TACC3: variants seen among roughly 807,000 people sequenced by gnomAD.
TACC3 encodes the protein transforming acidic coiled-coil containing protein 3.
In TACC3, 52 loss-of-function variants were observed where a neutral mutation model predicts 86.0. The observed-to-expected ratio is 0.60, with a 90% CI of 0.48 to 0.76. The LOEUF (loss-of-function observed/expected upper bound fraction) is 0.76. Ranked by LOEUF, TACC3 falls within the 30% of genes least tolerant of loss-of-function variation. The probability of loss-of-function intolerance (pLI) is 0.00; values close to 1 mark genes in which losing one functional copy is unlikely to be tolerated. For synonymous variants in TACC3, 512 were observed against 430.0 expected (o/e 1.19, Z -2.36); for missense variants, 1,120 against 1,070.4 (o/e 1.05, Z -0.65).
intron 6 of TACC3, among the ~76,000 whole-genome samples, chr4:1,734,351 C>A (rs1360535232): frequency 5.3e-5 from 8 of 152,040 alleles, no homozygotes. Flanking sequence ...CCGTGCCCAA[C>A]TAATTTTTGC....
chr4:1,732,309 G>T (rs1199928901), intron 6 of TACC3, among the ~76,000 whole-genome samples: 1 of 141,238 alleles, frequency 7.1e-6, no homozygotes, highest in South Asian at 2.2e-4. Context: ...CGGTTTGTCC[G>T]TAAGATTGGA....
At position 1,740,882 on chromosome 4, in the gene TACC3, G is replaced by A; in HGVS notation, c.2119G>A (p.Glu707Lys). 1 of 1,612,978 alleles carries A rather than the reference G, an allele frequency of 6.2e-7. No individual in the cohort carries two copies. The highest frequency in any genetic ancestry group is 2.2e-5 in the East Asian group (1 of 44,878). Residue 707 changes from glutamate (E) to lysine (K), a missense_variant, in exon 13 of 16, where the codon GAA (glutamate) becomes AAA (lysine). Physicochemically the swap from Glu to Lys is moderately conservative, Grantham distance 56 (BLOSUM62 1). Coordinates refer to ENST00000313288, the MANE Select transcript of TACC3 (RefSeq NM_006342.3). ...SKAEIQKVLK[E>K]KDQLTTDLNS... ...AGCTGAAATCCAGAAAGTTCTAAAA[G>A]AAAAAGACCAACTTACCACAGATCT...
In TACC3 at chr4:1,740,458, C is replaced by A. The variant is rs1427944444; in HGVS notation, c.2063-368C>A. The stretch of plus-strand genomic sequence containing the variant: ...TCTTAGGCTGAGTGTCAGCCGGCGG[C>A]AGGTGACCGCCTGGCCCTTGCAGTC... On this transcript the variant is annotated intron_variant, in intron 12 of 15. Transcript: ENST00000313288. 9.9e-6 allele frequency: 3 copies of A among 303,588 alleles called. No homozygotes were observed. In the Admixed American group the frequency reaches 1.4e-4, roughly 14 times the overall value. The allele number at this position is 303,588 out of a possible 1,614,324, so 18.8% of individuals were successfully genotyped here.
Position 1,730,979 on chromosome 4 carries a change from T to TG in TACC3, c.1461+20dup. The TG allele has an allele frequency of 6.2e-7, 1 of 1,613,198 alleles. No homozygotes were observed. Among genetic ancestry groups the TG allele is most frequent in the Non-Finnish European group, 8.5e-7 (1 of 1,179,878 alleles). Reference sequence around the variant, plus strand: ...GAGAGCAAGGTAAGGGGTGCTTGTGTGGGTACCTGTGCTCCTGGCCTGGTC... The same window carrying TG: ...GAGAGCAAGGTAAGGGGTGCTTGTGTGGGGTACCTGTGCTCCTGGCCTGGTC... On this transcript the variant is annotated intron_variant, in intron 5 of 15. Coordinates refer to ENST00000313288, the MANE Select transcript of TACC3 (RefSeq NM_006342.3).
In TACC3 at chr4:1,735,081, C is replaced by T. The variant is rs931472463; in HGVS notation, c.1592-192C>T. ...GAGTGGGTAGAGGCTGGGGATGCCG[C>T]TCAGCACCCTGCGGTGCCCAGGAGG... On this transcript the variant is annotated intron_variant, in intron 6 of 15. Transcript: ENST00000313288. The surrounding 1 kb of genome is among the most constrained non-coding windows in gnomAD (Gnocchi z 4.2). Among the ~76,000 whole-genome samples the T allele has an allele frequency of 6.6e-6, 1 of 152,210 alleles. No homozygotes were observed. Among genetic ancestry groups the T allele is most frequent in the African/African-American group, 2.4e-5 (1 of 41,466 alleles).
intron 12 of TACC3, 119 bp from the exon 13 acceptor site, chr4:1,740,707 A>T: frequency 1.2e-6 from 1 of 849,992 alleles, no homozygotes; most frequent in Non-Finnish European, 1.9e-6. Flanking sequence ...CGAGGCTCAC[A>T]CCCACTGCCC....
At position 1,728,059 on chromosome 4, in the gene TACC3, A is replaced by T; in HGVS notation, c.657A>T (p.Gly219=). Residue 219 remains glycine, a synonymous_variant, in exon 4 of 16, where the codon GGA becomes GGT. Coordinates refer to ENST00000313288, the MANE Select transcript of TACC3 (RefSeq NM_006342.3). ...ESQHKAETPH[G]AEEECKAETP... Reference sequence around the variant, plus strand: ...AGCACAAAGCGGAGACTCCGCACGGAGCCGAGGAAGAATGCAAAGCGGAGA... The same window carrying T: ...AGCACAAAGCGGAGACTCCGCACGGTGCCGAGGAAGAATGCAAAGCGGAGA... 6.5e-7 allele frequency: 1 copy of T among 1,542,448 alleles called. No individual in the cohort carries two copies. Among genetic ancestry groups the T allele is most frequent in the Non-Finnish European group, 8.8e-7 (1 of 1,141,576 alleles).
intron 1 of TACC3, 37 bp from the exon 2 acceptor site, chr4:1,723,384 G>A: frequency 6.3e-7 from 1 of 1,598,144 alleles, no homozygotes; most frequent in Non-Finnish European, 8.5e-7. Flanking sequence ...TGGTAGTGTT[G>A]CCCTCACACT....
chr4:1,734,775 G>T (rs1281118265), intron 6 of TACC3, among the ~76,000 whole-genome samples: 1 of 151,536 alleles, frequency 6.6e-6, no homozygotes, highest in Non-Finnish European at 1.5e-5. Flanking sequence ...GGCTCAAGGA[G>T]TTCTCCTGCC....
intron 13 of TACC3, among the ~76,000 whole-genome samples, chr4:1,744,038 C>T (rs1718720916): frequency 1.3e-5 from 2 of 152,134 alleles, no homozygotes; most frequent in Admixed American, 6.5e-5. Flanking sequence ...AGGAACCCCT[C>T]AGTTAGGGCT....
chr4:1,724,161 G>A (rs547711299), intron 3 of TACC3, among the ~76,000 whole-genome samples: 76 of 150,610 alleles, frequency 5.0e-4, no homozygotes, highest in African/African-American at 1.8e-3. Flanking sequence ...AGTAAAGAAG[G>A]GGTTTCACCG....
intron 1 of TACC3, among the ~76,000 whole-genome samples, chr4:1,722,820 T>C (rs1177051437): frequency 6.6e-6 from 1 of 152,136 alleles, no homozygotes; most frequent in Non-Finnish European, 1.5e-5. Context: ...ATGTGGAAGT[T>C]CCTTGGCACC....
chr4:1,738,144 A>G (rs1182110062), intron 10 of TACC3: 2 of 339,732 alleles, frequency 5.9e-6, no homozygotes, highest in Admixed American at 4.1e-5. Context: ...CTCACTGTAC[A>G]TGCCAGGCTT....
At chr4:1,723,357 T>C in intron 1 of TACC3, 64 bp from the exon 2 acceptor site, 1 of 1,551,990 alleles carries the variant, frequency 6.4e-7, no homozygotes, top group South Asian at 1.2e-5. Flanking sequence ...AGCTGTCACG[T>C]CTGTGTCTGG....
At chr4:1,732,113 A>G (rs1718031907) in intron 6 of TACC3, among the ~76,000 whole-genome samples, 1 of 150,362 alleles carries the variant, frequency 6.7e-6, no homozygotes, top group African/African-American at 2.5e-5. Context: ...TGGTTTGTCC[A>G]TAAGATTGGA....
intron 10 of TACC3, 31 bp from the exon 11 acceptor site, chr4:1,739,671 C>A: frequency 6.4e-7 from 1 of 1,557,620 alleles, no homozygotes. Context: ...TCTGGCCCGC[C>A]TGCCTGCTGA....
intron 10 of TACC3, among the ~76,000 whole-genome samples, chr4:1,738,710 C>T (rs1718412148): frequency 1.3e-5 from 2 of 152,314 alleles, no homozygotes; most frequent in South Asian, 4.1e-4. Flanking sequence ...ACACAGGTAG[C>T]CCTACTGCTG....
chr4:1,729,724 T>G (rs1171719787), intron 4 of TACC3, among the ~76,000 whole-genome samples: 1 of 152,176 alleles, frequency 6.6e-6, no homozygotes, highest in Non-Finnish European at 1.5e-5. Flanking sequence ...GACACAGGCC[T>G]CTGGATGGCT....
chr4:1,721,445 C>A (rs1321301513), upstream of TACC3: 1 of 152,210 alleles, frequency 6.6e-6, no homozygotes, highest in Non-Finnish European at 1.5e-5. Context: ...TCCTGCGGTC[C>A]TGCCCCCGGC....
Sources: allele counts gnomAD v4.1 joint callset (sites outside exome capture counted in the v4.1 genomes callset), GRCh38; gene constraint gnomAD v4.1.1; non-coding constraint Gnocchi (gnomAD v3.1); transcripts MANE v1.5; gene names NCBI Gene and HGNC (gene_info 2026-07-23, HGNC 2026-07-21).